Variants in HDAC9 observed in about 807,000 individuals in gnomAD.
HDAC9 encodes histone deacetylase 9.
HDAC9 carries 41 observed loss-of-function variants against 139.4 expected under a neutral mutation model. That is an observed-to-expected ratio of 0.29 (90% confidence interval 0.23 to 0.38). HDAC9 has a LOEUF of 0.38. Ranked by LOEUF, HDAC9 falls within the 10% of genes least tolerant of loss-of-function variation. The pLI, the probability that HDAC9 is intolerant of heterozygous loss-of-function variation, is 1.00. For synonymous variants in HDAC9, 517 were observed against 476.2 expected (o/e 1.09, Z -1.12); for missense variants, 1,147 against 1,297.0 (o/e 0.88, Z 1.78).
At chr7:18,792,324 G>C (rs1792395338) in intron 16 of HDAC9, among the ~76,000 whole-genome samples, 3 of 149,316 alleles carry the variant, frequency 2.0e-5, no homozygotes, top group Non-Finnish European at 4.4e-5. Flanking sequence ...GATCCATTTG[G>C]GAAGTCTTGC....
At chr7:18,210,456 A>G (rs1286177272) in intron 2 of HDAC9, among the ~76,000 whole-genome samples, 1 of 152,158 alleles carries the variant, frequency 6.6e-6, no homozygotes, top group Non-Finnish European at 1.5e-5. Flanking sequence ...ATATTTTTCA[A>G]ATATAACTCG....
At position 18,998,842 on chromosome 7, in the gene HDAC9, C is replaced by T. The variant is rs1786605564; in HGVS notation, c.*2780C>T. 1 of 152,034 alleles carries T rather than the reference C, an allele frequency of 6.6e-6. No homozygotes were observed. The highest frequency in any genetic ancestry group is 6.6e-5 in the Admixed American group (1 of 15,262). The allele number at this position is 152,034 out of a possible 1,614,324, so 9.4% of individuals were successfully genotyped here. On this transcript the variant is annotated 3_prime_UTR_variant, in exon 26 of 26. Coordinates refer to ENST00000686413, the MANE Select transcript of HDAC9 (RefSeq NM_178425.4). ...ATAAAAATGATTTTTGATAAATCTA[C>T]TAGTAAATAATACTAGGAATTTAAT...
chr7:18,221,297 G>T (rs1423041429), intron 2 of HDAC9, among the ~76,000 whole-genome samples: 1 of 151,970 alleles, frequency 6.6e-6, no homozygotes, highest in East Asian at 1.9e-4. Context: ...TAGAGATGGG[G>T]TTTTACCATG....
chr7:18,562,051 T>C (rs1820783576), intron 2 of HDAC9, among the ~76,000 whole-genome samples: 1 of 152,226 alleles, frequency 6.6e-6, no homozygotes, highest in African/African-American at 2.4e-5. Flanking sequence ...TGGTATCTTA[T>C]TTCAGTTTTG....
chr7:18,588,151 T>A (rs1466150850), intron 3 of HDAC9, among the ~76,000 whole-genome samples: 1 of 152,222 alleles, frequency 6.6e-6, no homozygotes, highest in Non-Finnish European at 1.5e-5. Context: ...ATGGTTGATA[T>A]ACAGAGTTAG....
intron 11 of HDAC9, among the ~76,000 whole-genome samples, chr7:18,656,976 AT>A (rs1274860111): frequency 6.6e-6 from 1 of 152,096 alleles, no homozygotes; most frequent in East Asian, 1.9e-4. Context: ...GGATAAAAGC[AT>A]TTTAACTGGG....
At chr7:18,356,371 T>G (rs1192448040) in intron 1 of HDAC9, among the ~76,000 whole-genome samples, 1 of 143,844 alleles carries the variant, frequency 7.0e-6, no homozygotes, top group African/African-American at 2.6e-5. Context: ...TTTTTTTTTT[T>G]TTTTTTTTTT....
chr7:18,402,130 C>G (rs1787599791), intron 1 of HDAC9, among the ~76,000 whole-genome samples: 1 of 152,136 alleles, frequency 6.6e-6, no homozygotes, highest in African/African-American at 2.4e-5. Context: ...CCATGGTTGA[C>G]TTGGAGGGGG....
chr7:18,107,440 T>G (rs1783299486), intron 1 of HDAC9, among the ~76,000 whole-genome samples: 1 of 152,150 alleles, frequency 6.6e-6, no homozygotes, highest in African/African-American at 2.4e-5. Context: ...AGATCAGAGA[T>G]CTGAGGACAT....
rs998999818 is a variant in HDAC9, at chr7:18,861,356, C to A, written c.2685-13122C>A. Among the ~76,000 whole-genome samples the A allele has an allele frequency of 2.0e-5, 3 of 152,182 alleles. No individual in the cohort carries two copies. The South Asian group carries it at 6.2e-4, about 32-fold the overall frequency. On this transcript the variant is annotated intron_variant, in intron 21 of 25. Transcript: ENST00000686413. ...ATTTCAGTACAGAGTTTAACGAAAGCAAAATCTGTTAATTCTGTTGTCATT... is the reference window on the plus strand; with the variant it reads ...ATTTCAGTACAGAGTTTAACGAAAGAAAAATCTGTTAATTCTGTTGTCATT...
chr7:18,881,959 C>G (rs2129256648), intron 22 of HDAC9, among the ~76,000 whole-genome samples: 1 of 152,190 alleles, frequency 6.6e-6, no homozygotes, highest in Non-Finnish European at 1.5e-5. Context: ...AGGGTGAACA[C>G]AGGGGAATAC....
chr7:18,258,951 CTTTTTTTTTTTTTTTTTT>C (rs199607615), intron 2 of HDAC9, among the ~76,000 whole-genome samples: 10 of 98,324 alleles, frequency 1.0e-4, no homozygotes, highest in East Asian at 3.4e-4. Context: ...TCTTCTTCTC[CTTTTTTTTTTTTTTTTTT>C]TTTTTTTTTT....
intron 2 of HDAC9, among the ~76,000 whole-genome samples, chr7:18,522,130 G>C (rs1368389632): frequency 6.6e-6 from 1 of 152,114 alleles, no homozygotes; most frequent in African/African-American, 2.4e-5. Flanking sequence ...CGCGAGAAAT[G>C]TGTTATGCAT....
At chr7:18,791,194 T>C (rs905720864) in intron 16 of HDAC9, among the ~76,000 whole-genome samples, 3 of 152,122 alleles carry the variant, frequency 2.0e-5, no homozygotes, top group Non-Finnish European at 4.4e-5. Context: ...CTTTAAGAAA[T>C]AAAGAAAGAA....
chr7:18,515,589 A>C (rs907288718), intron 2 of HDAC9, among the ~76,000 whole-genome samples: 1 of 152,206 alleles, frequency 6.6e-6, no homozygotes, highest in African/African-American at 2.4e-5. Flanking sequence ...GCAGTCTTCT[A>C]TTTTGTCAGT....
rs572660789 is a variant in HDAC9 at position 18,105,648 on chromosome 7, T to C, written c.-97+18435T>C. Among the ~76,000 whole-genome samples the C allele has an allele frequency of 2.0e-5, 3 of 151,536 alleles. No individual in the cohort carries two copies. The South Asian group carries it at 6.3e-4, about 32-fold the overall frequency. On this transcript the variant is annotated intron_variant, in intron 1 of 12. Coordinates refer to the HDAC9 transcript ENST00000417496. Reference sequence around the variant, plus strand: ...TTTCAAACTCTGGTGTTGGTATGAATGCAAAATGGGCACAGCCACTTCAGA... The same window carrying C: ...TTTCAAACTCTGGTGTTGGTATGAACGCAAAATGGGCACAGCCACTTCAGA...
rs1258945856 is a variant in HDAC9, at chr7:18,809,254, G to GAA, written c.2322+15804_2322+15805dup. On this transcript the variant is annotated intron_variant, in intron 17 of 25. Coordinates refer to ENST00000686413, the MANE Select transcript of HDAC9 (RefSeq NM_178425.4). Reference sequence around the variant, plus strand: ...TAAAACTACTTGAGGAAAACTTAGGGAAACCCTCCTTAACAGGGTCTTGGC... The same window carrying GAA: ...TAAAACTACTTGAGGAAAACTTAGGGAAAAACCCTCCTTAACAGGGTCTTGGC... 3.2e-4 allele frequency among the ~76,000 whole-genome samples: 49 copies of GAA among 151,910 alleles called. 1 individual carries two copies. The highest frequency in any genetic ancestry group is 3.2e-3 in the Admixed American group (49 of 15,234).
chr7:18,762,640 T>G (rs1395148885), intron 15 of HDAC9, among the ~76,000 whole-genome samples: 1 of 152,206 alleles, frequency 6.6e-6, no homozygotes, highest in Non-Finnish European at 1.5e-5. Context: ...CCGTTCCCAT[T>G]TTTTTGTATC....
At chr7:18,298,308 T>G (rs1798282401) in intron 1 of HDAC9, among the ~76,000 whole-genome samples, 2 of 151,936 alleles carry the variant, frequency 1.3e-5, no homozygotes, top group South Asian at 4.2e-4. Context: ...TATTATACTT[T>G]AAGTTTTAGG....
Sources: allele counts gnomAD v4.1 joint callset (sites outside exome capture counted in the v4.1 genomes callset), GRCh38; gene constraint gnomAD v4.1.1; transcripts MANE v1.5; gene names NCBI Gene and HGNC (gene_info 2026-07-23, HGNC 2026-07-21).